NALF1: variants seen among roughly 807,000 people sequenced by gnomAD.
NALF1 encodes NALCN channel auxiliary factor 1, also known as family with sequence similarity 155 member A.
In NALF1, 3 loss-of-function variants were observed where a neutral mutation model predicts 48.4. The observed-to-expected ratio is 0.06, with a 90% CI of 0.03 to 0.16. The LOEUF is 0.16. Ranked by LOEUF, NALF1 falls within the 10% of genes least tolerant of loss-of-function variation. The pLI, the probability that NALF1 is intolerant of heterozygous loss-of-function variation, is 1.00. For synonymous variants in NALF1, 262 were observed against 245.7 expected (o/e 1.07, Z -0.62); for missense variants, 526 against 571.5 (o/e 0.92, Z 0.81).
At chr13:107,447,290 A>G (rs967728413) in intron 1 of NALF1, among the ~76,000 whole-genome samples, 15 of 152,028 alleles carry the variant, frequency 9.9e-5, no homozygotes, top group African/African-American at 3.6e-4. Context: ...ATCACTCGAT[A>G]ATCTGGCTGA....
intron 1 of NALF1, among the ~76,000 whole-genome samples, chr13:107,666,253 T>C (rs1462404727): frequency 6.6e-6 from 1 of 152,126 alleles, no homozygotes; most frequent in Non-Finnish European, 1.5e-5. Context: ...AGGCAAAATG[T>C]CTTGAGCATG....
chr13:107,534,247 C>A (rs1488391668), intron 1 of NALF1, among the ~76,000 whole-genome samples: 1 of 151,926 alleles, frequency 6.6e-6, no homozygotes, highest in African/African-American at 2.4e-5. Context: ...CTTTTTAGAG[C>A]CACAAACATG....
chr13:107,387,269 A>G (rs1013711048), intron 1 of NALF1, among the ~76,000 whole-genome samples: 1 of 152,172 alleles, frequency 6.6e-6, no homozygotes, highest in Non-Finnish European at 1.5e-5. Context: ...TACTCCTTGT[A>G]TGAATTGATT....
chr13:107,201,943 G>A (rs542481581), intron 2 of NALF1, among the ~76,000 whole-genome samples: 1 of 152,216 alleles, frequency 6.6e-6, no homozygotes, highest in Non-Finnish European at 1.5e-5. Flanking sequence ...GACTCTCTAT[G>A]CCTGGGTTCG....
At chr13:107,716,131 T>C (rs1217017108) in intron 1 of NALF1, among the ~76,000 whole-genome samples, 2 of 152,160 alleles carry the variant, frequency 1.3e-5, no homozygotes, top group Non-Finnish European at 2.9e-5. Flanking sequence ...AGATCCCCCA[T>C]CAATGCTTCC....
intron 1 of NALF1, among the ~76,000 whole-genome samples, chr13:107,215,924 C>T (rs1879864166): frequency 1.3e-5 from 2 of 152,102 alleles, no homozygotes; most frequent in Non-Finnish European, 2.9e-5. Context: ...TATTTTAGAG[C>T]AAGGTAGAAG....
chr13:107,520,092 T>C (rs1223987336), intron 1 of NALF1, among the ~76,000 whole-genome samples: 1 of 152,224 alleles, frequency 6.6e-6, no homozygotes, highest in Non-Finnish European at 1.5e-5. Flanking sequence ...TTGTAATTTT[T>C]ACATGAGAAA....
chr13:107,656,832 G>T (rs955542752), intron 1 of NALF1, among the ~76,000 whole-genome samples: 1 of 152,116 alleles, frequency 6.6e-6, no homozygotes, highest in African/African-American at 2.4e-5. Context: ...CCATAAAAAG[G>T]AACAAAATAA....
At chr13:107,289,718 G>A (rs1356206840) in intron 1 of NALF1, among the ~76,000 whole-genome samples, 2 of 152,104 alleles carry the variant, frequency 1.3e-5, no homozygotes, top group East Asian at 3.9e-4. Context: ...ATCCAGCTGA[G>A]AGCCATTTGG....
intron 1 of NALF1, among the ~76,000 whole-genome samples, chr13:107,537,882 G>C (rs775329236): frequency 1.3e-5 from 2 of 152,096 alleles, no homozygotes; most frequent in Non-Finnish European, 2.9e-5. Context: ...GCTGGGCATG[G>C]TGGCACATAC....
chr13:107,319,570 T>A (rs1337103402), intron 1 of NALF1, among the ~76,000 whole-genome samples: 1 of 152,076 alleles, frequency 6.6e-6, no homozygotes, highest in Non-Finnish European at 1.5e-5. Flanking sequence ...TTCTTAGAGG[T>A]TCATAAATAT....
At chr13:107,772,725 G>A (rs752702961) in intron 1 of NALF1, among the ~76,000 whole-genome samples, 7 of 152,118 alleles carry the variant, frequency 4.6e-5, no homozygotes, top group Non-Finnish European at 1.0e-4. Flanking sequence ...CCCTTCTTGG[G>A]TCACGGCCTT....
chr13:107,847,145 A>C (rs1247351728), intron 1 of NALF1, among the ~76,000 whole-genome samples: 1 of 152,206 alleles, frequency 6.6e-6, no homozygotes, highest in African/African-American at 2.4e-5. Flanking sequence ...AATTAAAACT[A>C]AATTTTCCTT....
rs113710594 is a variant in NALF1 at position 107,795,654 on chromosome 13, A to G, written c.915+70028T>C. On this transcript the variant is annotated intron_variant, in intron 1 of 2. Transcript: ENST00000375915. The stretch of plus-strand genomic sequence containing the variant: ...ATCTTAGCACAATGCTGTATACAAT[A>G]ATTATCATTGTTATTATCCTTAATA... Among the ~76,000 whole-genome samples the G allele has an allele frequency of 3.7e-3, 568 of 152,292 alleles. 6 individuals carry two copies. The highest frequency in any genetic ancestry group is 0.013 in the African/African-American group (533 of 41,566).
chr13:107,347,070 A>G (rs1401072647), intron 1 of NALF1, among the ~76,000 whole-genome samples: 1 of 152,202 alleles, frequency 6.6e-6, no homozygotes, highest in Non-Finnish European at 1.5e-5. Context: ...GGTGGATTAT[A>G]TTTATCTTCA....
At chr13:107,360,611 T>C (rs9559021) in intron 1 of NALF1, among the ~76,000 whole-genome samples, 41,330 of 152,022 alleles carry the variant, frequency 0.27, 6,557 homozygotes, top group African/African-American at 0.43. Flanking sequence ...CTTTTTCACA[T>C]TCTGGATTAG....
At chr13:107,236,699 A>G (rs150585047) in intron 1 of NALF1, among the ~76,000 whole-genome samples, 164 of 148,884 alleles carry the variant, frequency 1.1e-3, no homozygotes, top group African/African-American at 3.9e-3. Context: ...CTATCTATCT[A>G]TCTATCTATC....
chr13:107,647,859 AAT>A lies in NALF1; in HGVS notation c.915+217821_915+217822del, dbSNP rs564100266. Among the ~76,000 whole-genome samples, 234 of 152,142 alleles carry A rather than the reference AAT, an allele frequency of 1.5e-3. 2 individuals are homozygous for A. Among genetic ancestry groups the A allele is most frequent in the African/African-American group, 5.2e-3 (215 of 41,510 alleles). ...CTTCTTCACATATTTGAAATGGGGG[AAT>A]ATATGTTATTTCAAAACTGATCTAC... is the stretch of plus-strand genomic sequence containing the variant. On this transcript the variant is annotated intron_variant, in intron 1 of 2. Transcript: ENST00000375915.
At chr13:107,495,829 T>C (rs1875316366) in intron 1 of NALF1, among the ~76,000 whole-genome samples, 2 of 152,122 alleles carry the variant, frequency 1.3e-5, no homozygotes, top group Admixed American at 6.6e-5. Flanking sequence ...ACTAATCTGA[T>C]GTTCATTGAG....
Sources: allele counts gnomAD v4.1 joint callset (sites outside exome capture counted in the v4.1 genomes callset), GRCh38; gene constraint gnomAD v4.1.1; transcripts MANE v1.5; gene names NCBI Gene and HGNC (gene_info 2026-07-23, HGNC 2026-07-21).